Variants in ATP8B1 observed in about 807,000 individuals in gnomAD.
ATP8B1 encodes the protein ATPase phospholipid transporting 8B1, also known as phospholipid-transporting ATPase IC.
ATP8B1 carries 80 observed loss-of-function variants against 149.9 expected under a neutral mutation model. That is an observed-to-expected ratio of 0.53 (90% CI 0.45 to 0.64). The LOEUF is 0.64. Among genes scored for constraint, ATP8B1 ranks in the 30% least tolerant of loss-of-function variants. The pLI is 0.00. For missense variants in ATP8B1, 1,247 were observed against 1,552.6 expected (o/e 0.80, Z 3.31); for synonymous variants, 536 against 562.8 (o/e 0.95, Z 0.67).
Position 57,684,209 on chromosome 18 carries a change from AAAAC to A in ATP8B1, c.1474-21_1474-18del. ...ATCAACTTGCTGAAAGAAATGGAGAAAAACAAAATATGATTTTATAAAATATTTT... is the reference window on the plus strand; with the variant it reads ...ATCAACTTGCTGAAAGAAATGGAGAAAAAATATGATTTTATAAAATATTTT... On this transcript the variant is annotated intron_variant, in intron 14 of 27. Transcript: ENST00000648908. 1 of 1,608,686 alleles carries A rather than the reference AAAAC, an allele frequency of 6.2e-7. No individual in the cohort carries two copies. Among genetic ancestry groups the A allele is most frequent in the Non-Finnish European group, 8.5e-7 (1 of 1,175,624 alleles).
In ATP8B1 at chr18:57,694,622, CT is replaced by C; in HGVS notation, c.988del (p.Arg330GlufsTer7). 1 of 1,594,926 alleles carries C rather than the reference CT, an allele frequency of 6.3e-7. No homozygotes were observed. The highest frequency in any genetic ancestry group is 8.6e-7 in the Non-Finnish European group (1 of 1,162,864). ...MKNSGKTRFK[R>X]TKIDYLMNYM... ...GTTCATCAAGTAATCAATTTTAGTT[CT>C]TTTAAATCTGGTTTTCCCACTATTC... On this transcript the variant is annotated frameshift_variant, in exon 11 of 28. Transcript: ENST00000648908. LOFTEE classifies it high-confidence loss of function.
intron 1 of ATP8B1, among the ~76,000 whole-genome samples, chr18:57,773,392 G>C (rs1599223366): frequency 6.6e-6 from 1 of 152,058 alleles, no homozygotes; most frequent in Non-Finnish European, 1.5e-5. Context: ...AACTTTCAGA[G>C]GCAGAGGCAG....
At chr18:57,707,883 A>G (rs1181245862) in intron 2 of ATP8B1, among the ~76,000 whole-genome samples, 2 of 151,184 alleles carry the variant, frequency 1.3e-5, no homozygotes, top group East Asian at 4.0e-4. Flanking sequence ...TAGGCCGAGC[A>G]TGGTGGCTCA....
At chr18:57,762,399 G>A (rs1169521981) in intron 1 of ATP8B1, among the ~76,000 whole-genome samples, 2 of 151,844 alleles carry the variant, frequency 1.3e-5, no homozygotes, top group African/African-American at 2.4e-5. Flanking sequence ...TCAGCCCCCC[G>A]AAGTGCTGAG....
At chr18:57,681,852 A>T (rs2122803045) in intron 15 of ATP8B1, among the ~76,000 whole-genome samples, 1 of 148,004 alleles carries the variant, frequency 6.8e-6, no homozygotes, top group Admixed American at 7.0e-5. Context: ...CTTTCAAGGG[A>T]TCCTTTCCTG....
intron 19 of ATP8B1, chr18:57,667,985 T>C (rs1030652142): frequency 1.7e-5 from 18 of 1,090,380 alleles, no homozygotes; most frequent in Non-Finnish European, 2.1e-5. Flanking sequence ...AGTTAAAAAA[T>C]TAAAATCGTT....
At chr18:57,764,532 C>T (rs147953027) in intron 1 of ATP8B1, among the ~76,000 whole-genome samples, 2,740 of 151,846 alleles carry the variant, frequency 0.018, 83 homozygotes, top group African/African-American at 0.062. Context: ...GTTTCTCCTG[C>T]CTCAGCCTCC....
chr18:57,700,934 A>G (rs1346016967), intron 6 of ATP8B1, 105 bp downstream of exon 6: 1 of 1,223,992 alleles, frequency 8.2e-7, no homozygotes, highest in Non-Finnish European at 1.2e-6. Context: ...ATAAACAGTT[A>G]ATGTACTAAT....
intron 12 of ATP8B1, 59 bp downstream of exon 12, chr18:57,691,748 G>T: frequency 6.3e-7 from 1 of 1,582,682 alleles, no homozygotes; most frequent in East Asian, 2.2e-5. Context: ...AAGGCACTAT[G>T]TTGGGAGAAG....
intron 15 of ATP8B1, among the ~76,000 whole-genome samples, chr18:57,675,768 C>T (rs756052411): frequency 2.6e-5 from 4 of 152,134 alleles, no homozygotes; most frequent in Non-Finnish European, 4.4e-5. Flanking sequence ...TGCAGTGGCA[C>T]GATCATGGCT....
intron 2 of ATP8B1, among the ~76,000 whole-genome samples, chr18:57,713,263 C>CTTTCTTTCTTTCTTTCTT (rs1555694288): frequency 3.2e-5 from 3 of 94,528 alleles, no homozygotes; most frequent in African/African-American, 1.3e-4. Context: ...TTCTTTCTTT[C>CTTTCTTTCTTTCTTTCTT]TCTTTCTTTC....
intron 1 of ATP8B1, among the ~76,000 whole-genome samples, chr18:57,739,144 C>A (rs533207195): frequency 6.6e-6 from 1 of 152,178 alleles, no homozygotes; most frequent in East Asian, 1.9e-4. Flanking sequence ...TACAGGTGCC[C>A]GCCATGACAC....
At chr18:57,793,917 C>A (rs1022013847) in intron 1 of ATP8B1, among the ~76,000 whole-genome samples, 2 of 152,202 alleles carry the variant, frequency 1.3e-5, no homozygotes, top group Non-Finnish European at 2.9e-5. Context: ...CTCAAATTGA[C>A]TTTTAAGAAT....
chr18:57,709,997 CT>C (rs60041581), intron 2 of ATP8B1, among the ~76,000 whole-genome samples: 24,214 of 141,628 alleles, frequency 0.17, 2,039 homozygotes, highest in South Asian at 0.29. Context: ...CTTTTCTTTT[CT>C]TTTTTTTTTT....
intron 1 of ATP8B1, among the ~76,000 whole-genome samples, chr18:57,741,411 C>T (rs748930602): frequency 8.5e-5 from 13 of 152,204 alleles, no homozygotes; most frequent in South Asian, 2.1e-4. Flanking sequence ...TTAGCATTGA[C>T]CAACAGCCAG....
In ATP8B1 at chr18:57,784,384, A is replaced by G. The variant is rs12961961; in HGVS notation, c.-26+18614T>C. Among the ~76,000 whole-genome samples the G allele has an allele frequency of 5.6e-3, 858 of 152,262 alleles. 3 individuals are homozygous for G. Among genetic ancestry groups the G allele is most frequent in the Middle Eastern group, 0.048 (14 of 294 alleles). On this transcript the variant is annotated intron_variant, in intron 1 of 27. Transcript: ENST00000648908. The surrounding 1 kb of genome is among the most constrained non-coding windows in gnomAD (Gnocchi z 4.4). ...AGTGTAGCCCTCATGTAAGAAGGCTACTGGAATGGTCCAGGAGAGGGAGGA... is the reference window on the plus strand; with the variant it reads ...AGTGTAGCCCTCATGTAAGAAGGCTGCTGGAATGGTCCAGGAGAGGGAGGA...
chr18:57,662,516 T>G lies in ATP8B1; in HGVS notation c.2385A>C (p.Gly795=), dbSNP rs1910528529. The G allele has an allele frequency of 6.2e-7, 1 of 1,614,156 alleles. No individual in the cohort carries two copies. Among genetic ancestry groups the G allele is most frequent in the East Asian group, 2.2e-5 (1 of 44,870 alleles). Residue 795 remains glycine, a synonymous_variant, in exon 21 of 28, where the codon GGA becomes GGC. Coordinates refer to ENST00000648908, the MANE Select transcript of ATP8B1 (RefSeq NM_001374385.1). ...AACCAGTGATGATTAAGGCACGGTT[T>G]CCACCGGGTGGAAAAAAAGATTCCT... The part of the protein sequence containing the change: ...PVQESFFPPG[G]NRALIITGSW...
intron 22 of ATP8B1, among the ~76,000 whole-genome samples, chr18:57,657,701 A>G (rs1334955837): frequency 6.6e-6 from 1 of 152,204 alleles, no homozygotes; most frequent in Non-Finnish European, 1.5e-5. Flanking sequence ...CTGCCAAACC[A>G]TGGCCTTTTC....
At chr18:57,732,394 ATT>A (rs2079794585) in intron 1 of ATP8B1, among the ~76,000 whole-genome samples, 1 of 149,116 alleles carries the variant, frequency 6.7e-6, no homozygotes, top group African/African-American at 2.5e-5. Flanking sequence ...AATATTTCAA[ATT>A]AGGGGGTCTC....
Sources: gnomAD v4.1 joint callset for allele counts (sites outside exome capture counted in the v4.1 genomes callset) on GRCh38, gnomAD v4.1.1 for gene constraint, Gnocchi (gnomAD v3.1) non-coding constraint, MANE v1.5 for transcripts, NCBI Gene and HGNC (gene_info 2026-07-23, HGNC 2026-07-21) for gene names.